The following PCDHGA9 variants were observed in gnomAD, a reference collection of about 807,000 sequenced individuals.
PCDHGA9 encodes the protein protocadherin gamma subfamily A, 9.
PCDHGA9 carries 37 observed loss-of-function variants against 62.5 expected under a neutral mutation model. The ratio of observed to expected loss-of-function variants is 0.59; its 90% CI spans 0.46 to 0.78. PCDHGA9 has a LOEUF of 0.78. PCDHGA9 is among the 30% of genes least tolerant of loss of function. The probability of loss-of-function intolerance (pLI) is 0.00; values close to 1 mark genes in which losing one functional copy is unlikely to be tolerated. For synonymous variants in PCDHGA9, 459 were observed against 484.6 expected (o/e 0.95, Z 0.69); for missense variants, 1,138 against 1,166.2 (o/e 0.98, Z 0.35).
In PCDHGA9 at chr5:141,438,615, TATATATATATATATATATATACACAC is replaced by T. The variant is rs1337184558; in HGVS notation, c.2424+33241_2424+33266del. ...ACATATATATATATATATATATATATATATATATATATATATATATACACACACACACACACATATATGTATATATA... is the reference window on the plus strand; with the variant it reads ...ACATATATATATATATATATATATATACACACACACATATATGTATATATA... On this transcript the variant is annotated intron_variant, in intron 1 of 3. Coordinates refer to ENST00000573521, the MANE Select transcript of PCDHGA9 (RefSeq NM_018921.3). 3.6e-3 allele frequency among the ~76,000 whole-genome samples: 130 copies of T among 35,912 alleles called. 2 individuals are homozygous for T. Among genetic ancestry groups the T allele is most frequent in the African/African-American group, 0.022 (107 of 4,918 alleles). The allele number at this position is 35,912 out of a possible 152,430, so 23.6% of individuals were successfully genotyped here.
chr5:141,419,321 T>G, intron 1 of PCDHGA9: 1 of 1,613,950 alleles, frequency 6.2e-7, no homozygotes, highest in Non-Finnish European at 8.5e-7. Context: ...CGGCCGTGTC[T>G]CCTACTCTCT....
At chr5:141,460,909 G>A (rs1473458228) in intron 1 of PCDHGA9, among the ~76,000 whole-genome samples, 4 of 123,246 alleles carry the variant, frequency 3.2e-5, no homozygotes, top group Non-Finnish European at 6.6e-5. Context: ...AATATTCCAT[G>A]GTGTATATAT....
rs1384790784 is a variant in PCDHGA9, at chr5:141,431,800, G to T, written c.2424+26424G>T. 1 of 1,614,206 alleles carries T rather than the reference G, an allele frequency of 6.2e-7. No individual in the cohort carries two copies. Among genetic ancestry groups the T allele is most frequent in the African/African-American group, 1.3e-5 (1 of 75,054 alleles). ...ACGTGAACGACAATGCCCCAGAAGT[G>T]GTCCTCACCTCTCTCGCCAGCTCGG... On this transcript the variant is annotated intron_variant, in intron 1 of 3. Transcript: ENST00000573521. This position sits in a 1 kb window ranked among gnomAD's most constrained non-coding sequence, Gnocchi z 4.8.
intron 1 of PCDHGA9, chr5:141,441,795 C>T (rs569465359): frequency 2.6e-6 from 1 of 387,758 alleles, no homozygotes; most frequent in Non-Finnish European, 5.1e-6. Flanking sequence ...TGACAACGCA[C>T]CGCGGGTGCT....
chr5:141,488,186 G>T (rs1005725656), intron 1 of PCDHGA9, among the ~76,000 whole-genome samples: 2 of 152,180 alleles, frequency 1.3e-5, no homozygotes, highest in South Asian at 2.1e-4. Context: ...AGATCTTTTG[G>T]TCTGGGTCTT....
At chr5:141,409,071 A>G in intron 1 of PCDHGA9, 4 of 1,613,996 alleles carry the variant, frequency 2.5e-6, no homozygotes, top group Non-Finnish European at 3.4e-6. Context: ...AGCACAAAAC[A>G]TATGTTCTCA....
At position 141,414,686 on chromosome 5, in the gene PCDHGA9, C is replaced by A. The variant is rs201724090; in HGVS notation, c.2424+9310C>A. On this transcript the variant is annotated intron_variant, in intron 1 of 3. Coordinates refer to ENST00000573521, the MANE Select transcript of PCDHGA9 (RefSeq NM_018921.3). ...GCTGAAGACACCATCCAGGGGGTAC[C>A]TCTGTCCTCATACATATCCATCAAC... 57 of 1,613,924 alleles carry A rather than the reference C, an allele frequency of 3.5e-5. No homozygotes were observed. The highest frequency in any genetic ancestry group is 1.6e-4 in the Middle Eastern group (1 of 6,084).
intron 1 of PCDHGA9, among the ~76,000 whole-genome samples, chr5:141,462,027 TG>T (rs1239347302): frequency 6.6e-6 from 1 of 152,220 alleles, no homozygotes; most frequent in African/African-American, 2.4e-5. Flanking sequence ...TTCTTCATGT[TG>T]GTCAGGCGGG....
chr5:141,497,396 C>T (rs2099776233), intron 2 of PCDHGA9, among the ~76,000 whole-genome samples: 1 of 152,116 alleles, frequency 6.6e-6, no homozygotes, highest in Middle Eastern at 3.2e-3. Flanking sequence ...CTTACCCCTG[C>T]CTCAACTCCC....
rs199952854 is a variant in PCDHGA9 at position 141,477,297 on chromosome 5, G to T, written c.2425-17510G>T. 4 of 1,614,176 alleles carry T rather than the reference G, an allele frequency of 2.5e-6. No individual in the cohort carries two copies. Among genetic ancestry groups the T allele is most frequent in the Non-Finnish European group, 3.4e-6 (4 of 1,180,040 alleles). On this transcript the variant is annotated intron_variant, in intron 1 of 3. Coordinates refer to ENST00000573521, the MANE Select transcript of PCDHGA9 (RefSeq NM_018921.3). The surrounding 1 kb of genome is among the most constrained non-coding windows in gnomAD (Gnocchi z 4.9). ...CTGGTGACCTGCGAAGTTCCACCGGGTCTCCCTTTCAGCCTTACTTCTTCC... is the reference window on the plus strand; with the variant it reads ...CTGGTGACCTGCGAAGTTCCACCGGTTCTCCCTTTCAGCCTTACTTCTTCC...
intron 1 of PCDHGA9, among the ~76,000 whole-genome samples, chr5:141,465,206 C>T (rs375753635): frequency 1.8e-4 from 27 of 151,896 alleles, no homozygotes; most frequent in Middle Eastern, 3.4e-3. Context: ...AAAATATAAG[C>T]TTTATTTTTC....
At chr5:141,415,700 A>G (rs1213224503) in intron 1 of PCDHGA9, 1 of 1,515,570 alleles carries the variant, frequency 6.6e-7, no homozygotes, top group East Asian at 2.5e-5. Flanking sequence ...GAAAGTGTAA[A>G]TGCTAAAACA....
intron 1 of PCDHGA9, chr5:141,415,512 T>C (rs997659180): frequency 1.9e-6 from 3 of 1,614,234 alleles, no homozygotes; most frequent in Non-Finnish European, 2.5e-6. Context: ...AGCCCAATTA[T>C]GCGGACACGC....
chr5:141,427,528 A>G (rs1360860476), intron 1 of PCDHGA9: 1 of 617,748 alleles, frequency 1.6e-6, no homozygotes, highest in Non-Finnish European at 3.0e-6. Context: ...CGGATCCCGG[A>G]GTACAACGTC....
At chr5:141,482,205 C>T (rs1478729653) in intron 1 of PCDHGA9, among the ~76,000 whole-genome samples, 1 of 151,896 alleles carries the variant, frequency 6.6e-6, no homozygotes, top group Non-Finnish European at 1.5e-5. Context: ...TAAAACAGAC[C>T]AGGTACTTGT....
rs773942024 is a variant in PCDHGA9, at chr5:141,433,234, C to G, written c.2424+27858C>G. 3.3e-6 allele frequency: 5 copies of G among 1,512,860 alleles called. No homozygotes were observed. In the South Asian group the frequency reaches 5.0e-5, roughly 15 times the overall value. The allele number at this position is 1,512,860 out of a possible 1,614,324, so 93.7% of individuals were successfully genotyped here. A position where few individuals can be genotyped will look rare whatever the true frequency, so the allele number is the denominator to read the frequency against. On this transcript the variant is annotated intron_variant, in intron 1 of 3. Coordinates refer to ENST00000573521, the MANE Select transcript of PCDHGA9 (RefSeq NM_018921.3). ...TTTTTTTTTTTTAATTGCTCTGTCT[C>G]CCAAGCTGGAATGCAGCGGTACGAT...
rs139211149 is a variant in PCDHGA9, at chr5:141,426,067, G to A, written c.2424+20691G>A. Among the ~76,000 whole-genome samples, 5 of 152,328 alleles carry A rather than the reference G, an allele frequency of 3.3e-5. No individual in the cohort carries two copies. The East Asian group carries it at 9.6e-4, about 29-fold the overall frequency. On this transcript the variant is annotated intron_variant, in intron 1 of 3. Coordinates refer to ENST00000573521, the MANE Select transcript of PCDHGA9 (RefSeq NM_018921.3). Reference sequence around the variant, plus strand: ...TGGCCAATGTGCTGCAAGAACTGGAGCCTGGGATCTACCAGGACGATATTC... The same window carrying A: ...TGGCCAATGTGCTGCAAGAACTGGAACCTGGGATCTACCAGGACGATATTC...
intron 1 of PCDHGA9, chr5:141,416,686 T>C (rs1341005031): frequency 6.6e-6 from 1 of 152,244 alleles, no homozygotes; most frequent in African/African-American, 2.4e-5. Flanking sequence ...AGGGAAATTA[T>C]ATAAACAAAG....
chr5:141,422,968 C>T lies in PCDHGA9; in HGVS notation c.2424+17592C>T. 6.2e-7 allele frequency: 1 copy of T among 1,614,240 alleles called. No homozygotes were observed. Among genetic ancestry groups the T allele is most frequent in the South Asian group, 1.1e-5 (1 of 91,086 alleles). On this transcript the variant is annotated intron_variant, in intron 1 of 3. Coordinates refer to ENST00000573521, the MANE Select transcript of PCDHGA9 (RefSeq NM_018921.3). ...CTCCACTGGCGTGGAGCTGGCGCCC[C>T]GCTCTGCGGAACCTGGCTACCTGGT...
Sources: allele counts gnomAD v4.1 joint callset (sites outside exome capture counted in the v4.1 genomes callset), GRCh38; gene constraint gnomAD v4.1.1; non-coding constraint Gnocchi (gnomAD v3.1); transcripts MANE v1.5; gene names NCBI Gene and HGNC (gene_info 2026-07-23, HGNC 2026-07-21).